POGLUT1: variants seen among roughly 807,000 people sequenced by gnomAD.
POGLUT1 encodes the protein 9630046K23Rik.
POGLUT1 carries 32 observed loss-of-function variants against 61.3 expected under a neutral mutation model. The observed-to-expected ratio is 0.52, with a 90% CI of 0.39 to 0.70. POGLUT1 has a LOEUF of 0.70. POGLUT1 is among the 30% of genes least tolerant of loss of function. The pLI is 0.00. For synonymous variants in POGLUT1, 158 were observed against 158.2 expected, an observed-to-expected ratio of 1.00 and a Z score of 0.01; for missense variants, 411 against 469.8, an observed-to-expected ratio of 0.87 and a Z score of 1.16.
chr3:119,494,408 C>T lies in POGLUT1; in HGVS notation c.*1970C>T, dbSNP rs2081790760. On this transcript the variant is annotated 3_prime_UTR_variant, in exon 11 of 11. Transcript: ENST00000295588. Reference sequence around the variant, plus strand: ...CATAAGAATTGGATCAATGTAAATCCTCACCTGCCCTTTGAAGAGCCAATA... The same window carrying T: ...CATAAGAATTGGATCAATGTAAATCTTCACCTGCCCTTTGAAGAGCCAATA... 6.6e-6 allele frequency: 1 copy of T among 152,612 alleles called. No individual in the cohort carries two copies. Among genetic ancestry groups the T allele is most frequent in the Non-Finnish European group, 1.5e-5 (1 of 68,030 alleles). The allele number at this position is 152,612 out of a possible 1,614,324, so 9.5% of individuals were successfully genotyped here.
At chr3:119,478,242 G>A in intron 4 of POGLUT1, 1 of 413,810 alleles carries the variant, frequency 2.4e-6, no homozygotes, top group South Asian at 1.8e-5. Flanking sequence ...ATGAAATTTG[G>A]GAAAAGGAAC....
At position 119,492,590 on chromosome 3, in the gene POGLUT1, C is replaced by G. The variant is rs116592632; in HGVS notation, c.*152C>G. On this transcript the variant is annotated 3_prime_UTR_variant, in exon 11 of 11. Transcript: ENST00000295588. ...TTATCATGCTGCACCCAGAGCAACT[C>G]TTGAGAAAGATTTAAAATGTGTCTA... The G allele has an allele frequency of 1.1e-3, 499 of 446,214 alleles. 1 individual carries two copies. Among genetic ancestry groups the G allele is most frequent in the African/African-American group, 7.4e-3 (371 of 49,898 alleles). 27.6% of individuals were successfully genotyped at this position (446,214 alleles called of 1,614,324 possible).
chr3:119,493,563 A>G lies in POGLUT1; in HGVS notation c.*1125A>G, dbSNP rs1560041738. On this transcript the variant is annotated 3_prime_UTR_variant, in exon 11 of 11. Transcript: ENST00000295588. ...GAACCATCCTTGACCCTTAGGCCCA[A>G]CCTTTCCACAGAGAAATCACCTCTC... 1 of 152,174 alleles carries G rather than the reference A, an allele frequency of 6.6e-6. No homozygotes were observed. The highest frequency in any genetic ancestry group is 1.9e-4 in the East Asian group (1 of 5,194). The allele number at this position is 152,174 out of a possible 1,614,324, so 9.4% of individuals were successfully genotyped here.
chr3:119,481,913 G>GT (rs1560035555), intron 5 of POGLUT1, among the ~76,000 whole-genome samples: 1 of 152,014 alleles, frequency 6.6e-6, no homozygotes. Context: ...AAAAGGTGTG[G>GT]TTTTTTTGTT....
intron 3 of POGLUT1, among the ~76,000 whole-genome samples, chr3:119,472,202 G>GTT (rs551936912): frequency 1.2e-4 from 18 of 144,456 alleles, no homozygotes; most frequent in African/African-American, 3.8e-4. Flanking sequence ...TTTGGAGTTT[G>GTT]TTTTTTTTTT....
intron 4 of POGLUT1, chr3:119,478,502 T>C (rs1229792459): frequency 4.5e-6 from 2 of 443,120 alleles, no homozygotes; most frequent in Non-Finnish European, 9.0e-6. Context: ...TCGTGTTTGT[T>C]ATCTATCTGT....
chr3:119,477,466 C>A lies in POGLUT1; in HGVS notation c.456+18C>A. On this transcript the variant is annotated intron_variant, in intron 4 of 10. Coordinates refer to ENST00000295588, the MANE Select transcript of POGLUT1 (RefSeq NM_152305.3). ...TCAGTAAGGTAAGTACAGGGAGAGCCACATGGGTGGATGGAGAGTGGTCCT... is the reference window on the plus strand; with the variant it reads ...TCAGTAAGGTAAGTACAGGGAGAGCAACATGGGTGGATGGAGAGTGGTCCT... The A allele has an allele frequency of 6.2e-7, 1 of 1,611,970 alleles. No homozygotes were observed. Among genetic ancestry groups the A allele is most frequent in the Middle Eastern group, 1.7e-4 (1 of 5,978 alleles).
chr3:119,469,170 C>T, intron 1 of POGLUT1, 64 bp downstream of exon 1: 1 of 1,316,534 alleles, frequency 7.6e-7, no homozygotes, highest in Non-Finnish European at 1.1e-6. Flanking sequence ...TCCCGAGGCG[C>T]TCCCCCGCGC....
Position 119,477,386 on chromosome 3 carries a change from C to G in POGLUT1, c.394C>G (p.Arg132Gly), listed in dbSNP as rs140695299. 5 of 1,613,958 alleles carry G rather than the reference C, an allele frequency of 3.1e-6. No homozygotes were observed. Among genetic ancestry groups the G allele is most frequent in the Non-Finnish European group, 4.2e-6 (5 of 1,179,852 alleles). Reference sequence around the variant, plus strand: ...TGACATGGAGATGGTGATCAATGTACGAGATTATCCTCAGGTTCCTAAATG... The same window carrying G: ...TGACATGGAGATGGTGATCAATGTAGGAGATTATCCTCAGGTTCCTAAATG... ...LPDMEMVINVRDYPQVPKWME... is the reference protein window; with the variant it reads ...LPDMEMVINVGDYPQVPKWME... Residue 132 changes from arginine (R) to glycine (G), a missense_variant, in exon 4 of 11, where the codon CGA (arginine) becomes GGA (glycine). Coordinates refer to ENST00000295588, the MANE Select transcript of POGLUT1 (RefSeq NM_152305.3).
chr3:119,482,872 A>G (rs1166280335), intron 5 of POGLUT1, among the ~76,000 whole-genome samples: 1 of 152,174 alleles, frequency 6.6e-6, no homozygotes, highest in Non-Finnish European at 1.5e-5. Context: ...GAGAGGGTTT[A>G]AAAAAGAGGG....
chr3:119,472,209 T>C (rs2081482616), intron 3 of POGLUT1, among the ~76,000 whole-genome samples: 1 of 151,668 alleles, frequency 6.6e-6, no homozygotes, highest in Admixed American at 6.6e-5. Flanking sequence ...TTTGTTTTTT[T>C]TTTTTAACTC....
Position 119,486,880 on chromosome 3 carries a change from C to A in POGLUT1, c.686C>A (p.Pro229Gln). ...DPLILLSRKN[P>Q]KLVDAEYTKN... ...CTCATTCTTCTGTCTCGGAAAAACC[C>A]AAAACTTGTTGATGCAGAATACACC... is the stretch of plus-strand genomic sequence containing the variant. The change falls in exon 7 of 11, where the codon CCA becomes CAA. Residue 229 changes from proline (P) to glutamine (Q), a missense_variant. Pro to Gln is a moderately conservative substitution (Grantham distance 76, BLOSUM62 -1). Coordinates refer to ENST00000295588, the MANE Select transcript of POGLUT1 (RefSeq NM_152305.3). 6.2e-7 allele frequency: 1 copy of A among 1,613,908 alleles called. No individual in the cohort carries two copies. The highest frequency in any genetic ancestry group is 8.5e-7 in the Non-Finnish European group (1 of 1,179,844).
chr3:119,469,281 C>A, intron 1 of POGLUT1, 175 bp downstream of exon 1: 1 of 624,764 alleles, frequency 1.6e-6, no homozygotes, highest in Admixed American at 2.6e-5. Flanking sequence ...GGTCTCTGCT[C>A]CTGCTCTGGA....
chr3:119,488,654 G>A (rs1028240777), intron 7 of POGLUT1: 6 of 247,950 alleles, frequency 2.4e-5, no homozygotes, highest in Non-Finnish European at 1.6e-5. Flanking sequence ...TCAAAGGAGG[G>A]CAACATGGCT....
intron 4 of POGLUT1, chr3:119,479,797 C>G (rs2081584797): frequency 7.2e-6 from 5 of 690,586 alleles, no homozygotes; most frequent in South Asian, 1.7e-5. Context: ...TCTAGAAAAA[C>G]AGAATTTGGG....
At chr3:119,483,954 A>C (rs745910732) in intron 5 of POGLUT1, among the ~76,000 whole-genome samples, 1 of 152,242 alleles carries the variant, frequency 6.6e-6, no homozygotes, top group Non-Finnish European at 1.5e-5. Context: ...GGACAGGGAG[A>C]TTCCAGACGA....
chr3:119,491,172 T>A (rs9822795), intron 9 of POGLUT1, among the ~76,000 whole-genome samples: 85,158 of 147,256 alleles, frequency 0.58, 27,002 homozygotes, highest in African/African-American at 0.86. Context: ...GTATATATAT[T>A]TTTTTTCTAT....
intron 5 of POGLUT1, 72 bp from the exon 6 acceptor site, chr3:119,485,256 A>C: frequency 1.0e-6 from 1 of 961,248 alleles, no homozygotes; most frequent in Non-Finnish European, 1.6e-6. Flanking sequence ...ACTAATCTTC[A>C]GAAATGGTTA....
In POGLUT1 at chr3:119,477,433, C is replaced by G; in HGVS notation, c.441C>G (p.Val147=). 1 of 1,614,076 alleles carries G rather than the reference C, an allele frequency of 6.2e-7. No individual in the cohort carries two copies. The highest frequency in any genetic ancestry group is 8.5e-7 in the Non-Finnish European group (1 of 1,179,934). Residue 147 remains valine, a synonymous_variant, in exon 4 of 11, where the codon GTC becomes GTG. Transcript: ENST00000295588. ...VPKWMEPAIP[V]FSFSKTSEYH... ...AATGGATGGAGCCTGCCATCCCAGT[C>G]TTCTCCTTCAGTAAGGTAAGTACAG... is the stretch of plus-strand genomic sequence containing the variant.
Sources: allele counts gnomAD v4.1 joint callset (sites outside exome capture counted in the v4.1 genomes callset), GRCh38; gene constraint gnomAD v4.1.1; transcripts MANE v1.5; gene names NCBI Gene and HGNC (gene_info 2026-07-23, HGNC 2026-07-21).